Variants in FREM1 observed in about 807,000 individuals in gnomAD.
The protein encoded by FREM1 is FRAS1-related extracellular matrix protein 1.
FREM1 carries 220 observed loss-of-function variants against 210.1 expected under a neutral mutation model. That is an observed-to-expected ratio of 1.05 (90% confidence interval 0.94 to 1.17). The LOEUF is 1.17. FREM1 is among the 50% of genes most tolerant of loss of function. The probability of loss-of-function intolerance (pLI) is 0.00; values close to 1 mark genes in which losing one functional copy is unlikely to be tolerated. For synonymous variants in FREM1, 1,189 were observed against 980.2 expected (o/e 1.21, Z -3.98); for missense variants, 3,454 against 2,675.5 (o/e 1.29, Z -6.42).
Position 14,740,165 on chromosome 9 carries a change from T to C in FREM1, c.6324A>G (p.Arg2108=). ...HMRWLWDIGG[R]KSFWIGLNDQ... is the part of the protein sequence containing the mutation. ...GATACTTGCCTATCCAAAAGGACTT[T>C]CTCCCACCAATGTCCCAGAGCCACC... Residue 2108 remains arginine, a synonymous_variant, in exon 36 of 37, where the codon AGA becomes AGG. Transcript: ENST00000380880. 6.2e-7 allele frequency: 1 copy of C among 1,612,464 alleles called. No homozygotes were observed. The highest frequency in any genetic ancestry group is 8.5e-7 in the Non-Finnish European group (1 of 1,179,012).
chr9:14,854,645 G>A (rs971658072), intron 5 of FREM1, among the ~76,000 whole-genome samples: 4 of 151,992 alleles, frequency 2.6e-5, no homozygotes, highest in Non-Finnish European at 4.4e-5. Context: ...ATCATCACTA[G>A]TGAAAGATAT....
intron 13 of FREM1, among the ~76,000 whole-genome samples, chr9:14,822,542 C>A (rs577076495): frequency 1.3e-5 from 2 of 152,246 alleles, no homozygotes; most frequent in East Asian, 1.9e-4. Flanking sequence ...AATGACCATA[C>A]TAATTAAGCC....
intron 6 of FREM1, 67 bp downstream of exon 6, chr9:14,851,217 G>T: frequency 8.6e-7 from 1 of 1,158,518 alleles, no homozygotes. Flanking sequence ...TGAGGGTTTA[G>T]GGTAGGGGGT....
chr9:14,891,189 T>G (rs1358311496), intron 1 of FREM1, among the ~76,000 whole-genome samples: 1 of 152,224 alleles, frequency 6.6e-6, no homozygotes, highest in Non-Finnish European at 1.5e-5. Flanking sequence ...CTGTTTAAAT[T>G]CGTATTAAAT....
chr9:14,751,008 C>T (rs1175199676), intron 29 of FREM1, among the ~76,000 whole-genome samples: 1 of 152,134 alleles, frequency 6.6e-6, no homozygotes, highest in East Asian at 1.9e-4. Flanking sequence ...CCTGTCAACA[C>T]CAAGACTGGA....
At chr9:14,850,041 ATAGAGAT>A (rs1246258724) in intron 6 of FREM1, among the ~76,000 whole-genome samples, 8 of 152,204 alleles carry the variant, frequency 5.3e-5, no homozygotes, top group Non-Finnish European at 8.8e-5. Context: ...CGAAATTACA[ATAGAGAT>A]AACCCCAGGG....
At chr9:14,801,507 C>A in intron 20 of FREM1, 145 bp downstream of exon 20, 1 of 627,920 alleles carries the variant, frequency 1.6e-6, no homozygotes, top group Non-Finnish European at 2.8e-6. Flanking sequence ...ACCAACATCT[C>A]CCCAATCCTC....
intron 2 of FREM1, among the ~76,000 whole-genome samples, chr9:14,868,196 T>C (rs1002448544): frequency 2.6e-5 from 4 of 152,206 alleles, no homozygotes; most frequent in Admixed American, 1.3e-4. Context: ...GTCCTAAAAA[T>C]GTCTTGAAAT....
At chr9:14,807,704 C>T (rs560891515) in intron 17 of FREM1, among the ~76,000 whole-genome samples, 33 of 152,176 alleles carry the variant, frequency 2.2e-4, no homozygotes, top group African/African-American at 7.7e-4. Flanking sequence ...CACACCCCAA[C>T]ACACGTATTC....
In FREM1 at chr9:14,824,118, A is replaced by G. The variant is rs1017947626; in HGVS notation, c.2079-3T>C. ...ATAATTTCCCAGCATCCAAGTGTCTAAAGAGAAATACAGAGGAGCACATCA... is the reference window on the plus strand; with the variant it reads ...ATAATTTCCCAGCATCCAAGTGTCTGAAGAGAAATACAGAGGAGCACATCA... On this transcript the variant is annotated splice_polypyrimidine_tract_variant and splice_region_variant and intron_variant, in intron 11 of 36. Coordinates refer to ENST00000380880, the MANE Select transcript of FREM1 (RefSeq NM_001379081.2). The G allele has an allele frequency of 1.2e-5, 18 of 1,555,122 alleles. No homozygotes were observed. The highest frequency in any genetic ancestry group is 1.5e-5 in the Non-Finnish European group (17 of 1,141,882).
chr9:14,904,013 T>G (rs947753754), intron 1 of FREM1, among the ~76,000 whole-genome samples: 1 of 150,166 alleles, frequency 6.7e-6, no homozygotes, highest in East Asian at 2.0e-4. Flanking sequence ...TCCCAGCTGC[T>G]TGGGAGGCTG....
At chr9:14,849,030 G>C (rs1389210303) in intron 6 of FREM1, among the ~76,000 whole-genome samples, 1 of 152,156 alleles carries the variant, frequency 6.6e-6, no homozygotes, top group Non-Finnish European at 1.5e-5. Context: ...TGCTGGAGAA[G>C]TGTCTCTGCA....
At chr9:14,778,365 C>T (rs1389733500) in intron 24 of FREM1, among the ~76,000 whole-genome samples, 3 of 151,180 alleles carry the variant, frequency 2.0e-5, no homozygotes, top group Non-Finnish European at 4.4e-5. Context: ...AAACCCAGTA[C>T]CTTGGCTGGC....
intron 1 of FREM1, among the ~76,000 whole-genome samples, chr9:14,902,363 T>C (rs188052409): frequency 5.3e-5 from 8 of 152,180 alleles, no homozygotes; most frequent in East Asian, 3.9e-4. Context: ...ATTCTTAACA[T>C]AGAAAAAAAC....
chr9:14,737,463 C>T lies in FREM1; in HGVS notation c.6473G>A (p.Gly2158Glu), dbSNP rs1314732640. The T allele has an allele frequency of 1.2e-6, 2 of 1,613,678 alleles. No individual in the cohort carries two copies. The highest frequency in any genetic ancestry group is 1.1e-5 in the South Asian group (1 of 91,062). ...CCTACAGTCTTTTGTTTGCCATTTC[C>T]CTTGTCTTTGAACCAAAACACAGCT... is the stretch of plus-strand genomic sequence containing the variant. ...GKSCVLVQRQ[G>E]KWQTKDCRRA... is the part of the protein sequence containing the mutation. The change falls in exon 37 of 37, where the codon GGG (glycine) becomes GAG (glutamate). Residue 2158 changes from glycine to glutamate, a missense_variant. Transcript: ENST00000380880.
Position 14,874,798 on chromosome 9 carries a change from G to A in FREM1, c.-267-5554C>T, listed in dbSNP as rs527486006. 7.9e-5 allele frequency among the ~76,000 whole-genome samples: 12 copies of A among 152,294 alleles called. No individual in the cohort carries two copies. The East Asian group carries it at 1.7e-3, about 22-fold the overall frequency. The stretch of plus-strand genomic sequence containing the variant: ...CACAATTTGGCATGATTTTGCAGTG[G>A]CTGGTACCGGTTGTTCCTTTCCATA... On this transcript the variant is annotated intron_variant, in intron 1 of 36. Coordinates refer to ENST00000380880, the MANE Select transcript of FREM1 (RefSeq NM_001379081.2).
intron 24 of FREM1, among the ~76,000 whole-genome samples, chr9:14,782,743 T>A (rs936509332): frequency 1.3e-5 from 2 of 152,210 alleles, no homozygotes; most frequent in Admixed American, 6.5e-5. Context: ...AGCTAACACT[T>A]ACTTAGTTCT....
chr9:14,787,585 C>T (rs1850617333), intron 23 of FREM1, among the ~76,000 whole-genome samples: 1 of 152,126 alleles, frequency 6.6e-6, no homozygotes, highest in Non-Finnish European at 1.5e-5. Context: ...ACACCTAGTG[C>T]ATGACATCCC....
At chr9:14,861,381 A>G (rs112593046) in intron 3 of FREM1, among the ~76,000 whole-genome samples, 1 of 147,642 alleles carries the variant, frequency 6.8e-6, no homozygotes, top group South Asian at 2.1e-4. Context: ...GTATATACAT[A>G]TATGTACACA....
Sources: gnomAD v4.1 joint callset for allele counts (sites outside exome capture counted in the v4.1 genomes callset) on GRCh38, gnomAD v4.1.1 for gene constraint, MANE v1.5 for transcripts, NCBI Gene and HGNC (gene_info 2026-07-23, HGNC 2026-07-21) for gene names.